The following NLGN1 variants were observed in gnomAD, a reference collection of about 807,000 sequenced individuals.
NLGN1 encodes neuroligin 1.
A neutral mutation model predicts 65.5 loss-of-function variants in NLGN1; 12 were observed. That is an observed-to-expected ratio of 0.18 (90% CI 0.12 to 0.30). The LOEUF (loss-of-function observed/expected upper bound fraction) is 0.30, where lower values mean the gene tolerates loss of function less well. Among genes scored for constraint, NLGN1 ranks in the 10% least tolerant of loss-of-function variants. The pLI is 1.00. For missense variants in NLGN1, 750 were observed against 1,007.1 expected, an observed-to-expected ratio of 0.74 and a Z score of 3.46; for synonymous variants, 350 against 359.5, an observed-to-expected ratio of 0.97 and a Z score of 0.30.
chr3:173,786,935 G>A (rs576326406), intron 3 of NLGN1, among the ~76,000 whole-genome samples: 14 of 152,224 alleles, frequency 9.2e-5, no homozygotes, highest in Non-Finnish European at 1.8e-4. Context: ...AAAGTAGCAG[G>A]GTGTGGTGGC....
At chr3:173,905,317 A>G (rs1024359797) in intron 4 of NLGN1, among the ~76,000 whole-genome samples, 1 of 152,230 alleles carries the variant, frequency 6.6e-6, no homozygotes, top group Non-Finnish European at 1.5e-5. Flanking sequence ...ATTGTTAAAA[A>G]GACTCTAGAG....
intron 4 of NLGN1, among the ~76,000 whole-genome samples, chr3:174,258,257 A>G (rs1746178571): frequency 6.6e-6 from 1 of 152,122 alleles, no homozygotes; most frequent in African/African-American, 2.4e-5. Context: ...GCAGTAAAAG[A>G]TTATAACCAC....
chr3:173,541,259 T>C (rs938632042), intron 2 of NLGN1, among the ~76,000 whole-genome samples: 3 of 152,148 alleles, frequency 2.0e-5, no homozygotes, highest in Non-Finnish European at 4.4e-5. Context: ...CTACAAAGTA[T>C]ATGGGGGATG....
At chr3:174,169,264 A>G (rs1728089891) in intron 4 of NLGN1, among the ~76,000 whole-genome samples, 1 of 151,932 alleles carries the variant, frequency 6.6e-6, no homozygotes, top group Non-Finnish European at 1.5e-5. Flanking sequence ...AGTTAGGCAA[A>G]CAAGTGTTCT....
intron 4 of NLGN1, among the ~76,000 whole-genome samples, chr3:174,095,247 G>C (rs1296716685): frequency 6.8e-6 from 1 of 146,902 alleles, no homozygotes; most frequent in Non-Finnish European, 1.5e-5. Context: ...CCATAAAGTT[G>C]CTTTATGAAA....
At chr3:173,413,893 G>A (rs1225151679) in intron 1 of NLGN1, among the ~76,000 whole-genome samples, 2 of 152,164 alleles carry the variant, frequency 1.3e-5, no homozygotes, top group Non-Finnish European at 2.9e-5. Flanking sequence ...AGCAGCAGTG[G>A]TTGTGGTACA....
At chr3:173,526,407 A>T (rs1577106026) in intron 2 of NLGN1, among the ~76,000 whole-genome samples, 1 of 151,736 alleles carries the variant, frequency 6.6e-6, no homozygotes, top group Admixed American at 6.6e-5. Context: ...TTTAATTTTT[A>T]AATTTCCATT....
At chr3:173,727,269 A>C (rs568622404) in intron 3 of NLGN1, among the ~76,000 whole-genome samples, 1 of 152,260 alleles carries the variant, frequency 6.6e-6, no homozygotes, top group East Asian at 1.9e-4. Flanking sequence ...GCAAGCTTAA[A>C]TGACCGTTCC....
intron 4 of NLGN1, among the ~76,000 whole-genome samples, chr3:174,267,528 C>T (rs1279557104): frequency 6.6e-6 from 1 of 152,118 alleles, no homozygotes; most frequent in Non-Finnish European, 1.5e-5. Context: ...ACTTTAGGAC[C>T]TTGGCCTGTA....
chr3:173,987,406 A>G (rs971368473), intron 4 of NLGN1, among the ~76,000 whole-genome samples: 1 of 152,192 alleles, frequency 6.6e-6, no homozygotes, highest in African/African-American at 2.4e-5. Flanking sequence ...TTAGGTCACC[A>G]TTTATGTTTT....
At chr3:174,195,128 T>G (rs868566650) in intron 4 of NLGN1, among the ~76,000 whole-genome samples, 1 of 152,182 alleles carries the variant, frequency 6.6e-6, no homozygotes, top group African/African-American at 2.4e-5. Context: ...CCCAAAGTGC[T>G]GGGAATACAG....
At chr3:174,167,628 AT>A (rs34000041) in intron 4 of NLGN1, among the ~76,000 whole-genome samples, 25,255 of 121,068 alleles carry the variant, frequency 0.21, 2,510 homozygotes, top group East Asian at 0.59. Context: ...TGCCCTTAAG[AT>A]TTTTTTTTTT....
intron 4 of NLGN1, among the ~76,000 whole-genome samples, chr3:174,204,302 T>C (rs1022213520): frequency 2.6e-5 from 4 of 152,204 alleles, no homozygotes; most frequent in African/African-American, 9.6e-5. Flanking sequence ...TGTACAACAC[T>C]GTAAACTTGT....
intron 4 of NLGN1, among the ~76,000 whole-genome samples, chr3:174,062,402 C>T (rs1737612510): frequency 6.6e-6 from 1 of 151,900 alleles, no homozygotes; most frequent in Non-Finnish European, 1.5e-5. Flanking sequence ...TCATCAATAC[C>T]ACATGTTGGC....
At chr3:174,012,639 T>C (rs1337162869) in intron 4 of NLGN1, among the ~76,000 whole-genome samples, 1 of 152,190 alleles carries the variant, frequency 6.6e-6, no homozygotes, top group Non-Finnish European at 1.5e-5. Context: ...AGAAACCAGC[T>C]ACTTGAAGAT....
intron 3 of NLGN1, among the ~76,000 whole-genome samples, chr3:173,635,446 A>G (rs756594063): frequency 5.9e-5 from 9 of 152,094 alleles, no homozygotes; most frequent in Non-Finnish European, 1.0e-4. Context: ...AAAAACTATT[A>G]TTCATCTACT....
At position 174,142,105 on chromosome 3, in the gene NLGN1, A is replaced by G. The variant is rs191998001; in HGVS notation, c.647-133210A>G. Among the ~76,000 whole-genome samples the G allele has an allele frequency of 2.0e-3, 301 of 152,130 alleles. 1 individual carries two copies. Among genetic ancestry groups the G allele is most frequent in the Non-Finnish European group, 3.1e-3 (209 of 67,982 alleles). ...TATCACTTGCTTAGTTTCCCTAATT[A>G]TTTTACCACATATACCTGTACCTAA... is the stretch of plus-strand genomic sequence containing the variant. On this transcript the variant is annotated intron_variant, in intron 4 of 6. Transcript: ENST00000457714.
chr3:174,254,819 T>C (rs890967399), intron 4 of NLGN1, among the ~76,000 whole-genome samples: 5 of 152,184 alleles, frequency 3.3e-5, no homozygotes, highest in African/African-American at 9.6e-5. Flanking sequence ...TATTCATTTC[T>C]AGTTTTTGTA....
intron 4 of NLGN1, among the ~76,000 whole-genome samples, chr3:173,851,912 TCAAATA>T (rs1417820646): frequency 1.3e-5 from 2 of 152,302 alleles, no homozygotes; most frequent in Admixed American, 1.3e-4. Context: ...TAAAATGTTG[TCAAATA>T]CAGTCTTGAT....
Sources: allele counts gnomAD v4.1 joint callset (sites outside exome capture counted in the v4.1 genomes callset), GRCh38; gene constraint gnomAD v4.1.1; transcripts MANE v1.5; gene names NCBI Gene and HGNC (gene_info 2026-07-23, HGNC 2026-07-21).